CD47: variants seen among roughly 807,000 people sequenced by gnomAD.
The protein encoded by CD47 is leukocyte surface antigen CD47.
A neutral mutation model predicts 44.6 loss-of-function variants in CD47; 11 were observed. The observed-to-expected ratio is 0.25, with a 90% CI of 0.16 to 0.41. The LOEUF (loss-of-function observed/expected upper bound fraction) is 0.41. Ranked by LOEUF, CD47 falls within the 10% of genes least tolerant of loss-of-function variation. CD47 has a pLI of 1.00. For missense variants in CD47, 306 were observed against 386.7 expected (o/e 0.79, Z 1.75); for synonymous variants, 140 against 136.3 (o/e 1.03, Z -0.19).
chr3:108,090,804 A>C, intron 1 of CD47, 59 bp downstream of exon 1: 1 of 1,423,108 alleles, frequency 7.0e-7, no homozygotes, highest in Non-Finnish European at 9.2e-7. Context: ...GGCGCAGCCC[A>C]CACGCCCGCG....
rs1258253788 is a variant in CD47 at position 108,043,691 on chromosome 3, G to A, written c.*3597C>T. ...ATGCTCCATTTAATAAAAACAAAAT[G>A]TTTTCTTCTCTCACCAGTCATGATA... On this transcript the variant is annotated 3_prime_UTR_variant, in exon 11 of 11. Transcript: ENST00000361309. 1 of 152,546 alleles carries A rather than the reference G, an allele frequency of 6.6e-6. No homozygotes were observed. Among genetic ancestry groups the A allele is most frequent in the African/African-American group, 2.4e-5 (1 of 41,420 alleles). 9.4% of individuals were successfully genotyped at this position (152,546 alleles called of 1,614,324 possible).
intron 7 of CD47, chr3:108,052,247 T>C (rs2078841403): frequency 3.4e-6 from 1 of 292,292 alleles, no homozygotes; most frequent in Non-Finnish European, 6.6e-6. Flanking sequence ...CAGCCACTTG[T>C]TACACTGGCT....
chr3:108,087,122 A>G (rs2079536289), intron 1 of CD47, among the ~76,000 whole-genome samples: 2 of 152,140 alleles, frequency 1.3e-5, no homozygotes, highest in African/African-American at 4.8e-5. Flanking sequence ...CCTCTTAGGT[A>G]AAGAAGCAAA....
chr3:108,090,293 T>TG (rs759984876), intron 1 of CD47, among the ~76,000 whole-genome samples: 8 of 152,344 alleles, frequency 5.3e-5, no homozygotes, highest in Middle Eastern at 3.4e-3. Context: ...GATTGAATGC[T>TG]GAGTTGAAAA....
In CD47 at chr3:108,047,101, C is replaced by T. The variant is rs1361995492; in HGVS notation, c.*187G>A. 3 of 448,718 alleles carry T rather than the reference C, an allele frequency of 6.7e-6. No individual in the cohort carries two copies. The highest frequency in any genetic ancestry group is 3.4e-5 in the East Asian group (1 of 29,198). 27.8% of individuals were successfully genotyped at this position (448,718 alleles called of 1,614,324 possible). A position where few individuals can be genotyped will look rare whatever the true frequency, so the allele number is the denominator to read the frequency against. On this transcript the variant is annotated 3_prime_UTR_variant, in exon 11 of 11. Transcript: ENST00000361309. ...ACATAGATCATAATTATTTTATTAA[C>T]TAAATTACAGCTGCTTTGAATAAAA...
rs9876632 is a variant in CD47, at chr3:108,065,117, C to T, written c.491-4265G>A. Among the ~76,000 whole-genome samples, 546 of 152,312 alleles carry T rather than the reference C, an allele frequency of 3.6e-3. 1 individual carries two copies. Among genetic ancestry groups the T allele is most frequent in the African/African-American group, 0.013 (537 of 41,558 alleles). ...ATCATTTTATAATAATCTCCATACA[C>T]TATCCAACTTGCTCTAATGAAACAA... is the stretch of plus-strand genomic sequence containing the variant. On this transcript the variant is annotated intron_variant, in intron 3 of 10. Transcript: ENST00000361309.
At chr3:108,060,169 T>C (rs1320480093) in intron 4 of CD47, among the ~76,000 whole-genome samples, 1 of 152,218 alleles carries the variant, frequency 6.6e-6, no homozygotes, top group Non-Finnish European at 1.5e-5. Context: ...TTTGCCTCTG[T>C]AGTGAGTTGA....
intron 10 of CD47, among the ~76,000 whole-genome samples, chr3:108,048,377 T>TG (rs1262937869): frequency 1.4e-4 from 13 of 96,270 alleles, no homozygotes; most frequent in Admixed American, 5.9e-4. Context: ...GAGTGTTTTT[T>TG]TTTTTTTTTT....
intron 3 of CD47, among the ~76,000 whole-genome samples, chr3:108,063,319 C>G (rs114010379): frequency 2.7e-4 from 41 of 152,290 alleles, no homozygotes; most frequent in Non-Finnish European, 5.7e-4. Flanking sequence ...TTCTGGATAA[C>G]GGACACTCCA....
intron 1 of CD47, among the ~76,000 whole-genome samples, chr3:108,085,862 C>A (rs759914021): frequency 6.6e-6 from 1 of 152,086 alleles, no homozygotes; most frequent in Non-Finnish European, 1.5e-5. Flanking sequence ...AGAGAACCTG[C>A]CACTGCTTCT....
intron 1 of CD47, among the ~76,000 whole-genome samples, chr3:108,085,066 C>G (rs75149705): frequency 6.6e-6 from 1 of 152,084 alleles, no homozygotes; most frequent in African/African-American, 2.4e-5. Flanking sequence ...GGAATACAAA[C>G]GAGGTCCTTC....
At chr3:108,088,043 G>A (rs1291878691) in intron 1 of CD47, among the ~76,000 whole-genome samples, 2 of 152,064 alleles carry the variant, frequency 1.3e-5, no homozygotes, top group South Asian at 2.1e-4. Flanking sequence ...AACCCAAGAC[G>A]ATATTATTAA....
intron 3 of CD47, among the ~76,000 whole-genome samples, chr3:108,063,479 T>C (rs2079054910): frequency 6.6e-6 from 1 of 152,198 alleles, no homozygotes; most frequent in Non-Finnish European, 1.5e-5. Flanking sequence ...ATCTTGTTGC[T>C]AGCCCAGTCG....
At position 108,043,280 on chromosome 3, in the gene CD47, T is replaced by C. The variant is rs1576977281; in HGVS notation, c.*4008A>G. ...TGCTTGTGGTCTGCTGTAGCAGCAA[T>C]AGAAATAGCCCAACAAAATAGCTTA... On this transcript the variant is annotated 3_prime_UTR_variant, in exon 11 of 11. Coordinates refer to ENST00000361309, the MANE Select transcript of CD47 (RefSeq NM_001777.4). 3 of 152,630 alleles carry C rather than the reference T, an allele frequency of 2.0e-5. No homozygotes were observed. The highest frequency in any genetic ancestry group is 1.9e-4 in the East Asian group (1 of 5,186). The allele number at this position is 152,630 out of a possible 1,614,324, so 9.5% of individuals were successfully genotyped here.
At chr3:108,074,131 G>A (rs2079260420) in intron 2 of CD47, among the ~76,000 whole-genome samples, 1 of 152,148 alleles carries the variant, frequency 6.6e-6, no homozygotes, top group African/African-American at 2.4e-5. Context: ...ATCATGTCAA[G>A]CTTTCAGTAA....
intron 9 of CD47, among the ~76,000 whole-genome samples, chr3:108,050,350 T>C (rs1339926677): frequency 2.6e-5 from 4 of 152,156 alleles, no homozygotes; most frequent in East Asian, 1.9e-4. Context: ...TCTCTTGACC[T>C]CGTGATCTGC....
intron 1 of CD47, among the ~76,000 whole-genome samples, chr3:108,081,007 G>A (rs1019405996): frequency 1.3e-5 from 2 of 151,708 alleles, no homozygotes; most frequent in East Asian, 3.9e-4. Flanking sequence ...ATTTTGTATG[G>A]GAGTCTTGAA....
intron 2 of CD47, among the ~76,000 whole-genome samples, chr3:108,073,179 T>C (rs1420213130): frequency 9.2e-5 from 14 of 152,014 alleles, no homozygotes; most frequent in Non-Finnish European, 1.3e-4. Flanking sequence ...ATATCTGATC[T>C]CATAGTCAAG....
intron 1 of CD47, among the ~76,000 whole-genome samples, chr3:108,085,457 T>C (rs887758819): frequency 2.6e-5 from 4 of 152,154 alleles, no homozygotes; most frequent in Non-Finnish European, 4.4e-5. Context: ...TGTTTTTGTA[T>C]CACCTTTCAC....
Sources: gnomAD v4.1 joint callset for allele counts (sites outside exome capture counted in the v4.1 genomes callset) on GRCh38, gnomAD v4.1.1 for gene constraint, MANE v1.5 for transcripts, NCBI Gene and HGNC (gene_info 2026-07-23, HGNC 2026-07-21) for gene names.